The following EPC1 variants were observed in gnomAD, a reference collection of about 807,000 sequenced individuals.
EPC1 encodes enhancer of polycomb homolog 1.
In EPC1, 12 loss-of-function variants were observed where a neutral mutation model predicts 98.4. The observed-to-expected ratio is 0.12, with a 90% CI of 0.08 to 0.20. The LOEUF (loss-of-function observed/expected upper bound fraction) is 0.20. Among genes scored for constraint, EPC1 ranks in the 10% least tolerant of loss-of-function variants. The pLI, the probability that EPC1 is intolerant of heterozygous loss-of-function variation, is 1.00. For missense variants in EPC1, 729 were observed against 990.5 expected (o/e 0.74, Z 3.54); for synonymous variants, 357 against 363.9 (o/e 0.98, Z 0.21).
At chr10:32,358,044 A>G (rs1564566288) in intron 1 of EPC1, among the ~76,000 whole-genome samples, 1 of 151,576 alleles carries the variant, frequency 6.6e-6, no homozygotes, top group African/African-American at 2.4e-5. Flanking sequence ...TAGTGGAGAC[A>G]AGGTTTCACC....
rs983940993 is a variant in EPC1 at position 32,295,689 on chromosome 10, A to C, written c.314-1952T>G. Among the ~76,000 whole-genome samples the C allele has an allele frequency of 1.6e-4, 24 of 152,214 alleles. 1 individual carries two copies. Among genetic ancestry groups the C allele is most frequent in the African/African-American group, 4.6e-4 (19 of 41,452 alleles). On this transcript the variant is annotated intron_variant, in intron 2 of 13. Coordinates refer to ENST00000319778, the MANE Select transcript of EPC1 (RefSeq NM_001272004.3). ...CAGGTCTATGTTGTCTAATATGGTA[A>C]CCACTAGCCATGTGCGGCTAACTGA...
intron 5 of EPC1, 31 bp downstream of exon 5, chr10:32,292,465 C>T (rs761893772): frequency 8.9e-6 from 13 of 1,468,194 alleles, no homozygotes; most frequent in African/African-American, 8.6e-5. Context: ...TGGCACTATA[C>T]TTCCTCTAAC....
intron 1 of EPC1, among the ~76,000 whole-genome samples, chr10:32,371,625 G>A (rs1015134900): frequency 5.3e-5 from 8 of 152,178 alleles, no homozygotes; most frequent in Admixed American, 2.0e-4. Context: ...ATGGCCAGGC[G>A]CGGTGGCTCA....
intron 1 of EPC1, among the ~76,000 whole-genome samples, chr10:32,370,429 C>G (rs1839714630): frequency 6.6e-6 from 1 of 152,182 alleles, no homozygotes; most frequent in Non-Finnish European, 1.5e-5. Flanking sequence ...AATTCTCAAC[C>G]CTGACTGCTA....
chr10:32,373,849 C>T (rs776548776), intron 1 of EPC1, among the ~76,000 whole-genome samples: 1 of 152,176 alleles, frequency 6.6e-6, no homozygotes, highest in Non-Finnish European at 1.5e-5. Flanking sequence ...ACTCACTTGC[C>T]ACCTGATTAC....
chr10:32,371,725 C>T (rs937425994), intron 1 of EPC1, among the ~76,000 whole-genome samples: 7 of 152,112 alleles, frequency 4.6e-5, no homozygotes, highest in Non-Finnish European at 8.8e-5. Flanking sequence ...ATGGTGAAAC[C>T]TCATCTCTAC....
At chr10:32,273,462 A>G (rs752927559) in intron 10 of EPC1, among the ~76,000 whole-genome samples, 181 bp from the exon 11 acceptor site, 9 of 152,180 alleles carry the variant, frequency 5.9e-5, no homozygotes, top group Non-Finnish European at 8.8e-5. Flanking sequence ...CACATTTAAC[A>G]AGAGTGGCAT....
At chr10:32,290,505 A>AAAAAAAAAAAAAAAAAAGAAAGAAAG (rs1554819136) in intron 6 of EPC1, among the ~76,000 whole-genome samples, 6 of 77,466 alleles carry the variant, frequency 7.7e-5, no homozygotes, top group Admixed American at 1.6e-4. Context: ...AAAAAAAAAA[A>AAAAAAAAAAAAAAAAAAGAAAGAAAG]AAAGAAAGAA....
chr10:32,310,862 A>G (rs1250383798), intron 1 of EPC1, among the ~76,000 whole-genome samples: 2 of 152,072 alleles, frequency 1.3e-5, no homozygotes, highest in Non-Finnish European at 2.9e-5. Context: ...CAACAGAGCA[A>G]GACTCTGTCT....
At chr10:32,338,970 T>C (rs1592615520) in intron 1 of EPC1, among the ~76,000 whole-genome samples, 1 of 150,502 alleles carries the variant, frequency 6.6e-6, no homozygotes. Context: ...AATAAAATAA[T>C]AAAAATAATA....
intron 1 of EPC1, among the ~76,000 whole-genome samples, chr10:32,366,003 C>T (rs970924398): frequency 6.8e-5 from 10 of 147,420 alleles, no homozygotes; most frequent in Admixed American, 6.8e-5. Flanking sequence ...CATGGTGGCG[C>T]GTGCCTGTAA....
chr10:32,279,164 A>G (rs2132667717), intron 10 of EPC1, among the ~76,000 whole-genome samples: 1 of 152,166 alleles, frequency 6.6e-6, no homozygotes, highest in East Asian at 1.9e-4. Context: ...CCTGGCCAAT[A>G]TGGTGAAACC....
intron 1 of EPC1, among the ~76,000 whole-genome samples, chr10:32,341,903 G>A (rs1292007339): frequency 3.3e-5 from 5 of 152,180 alleles, no homozygotes; most frequent in Non-Finnish European, 5.9e-5. Context: ...AGAAATTGAT[G>A]ACAAGTGTGA....
At chr10:32,331,305 T>C (rs763440705) in intron 1 of EPC1, among the ~76,000 whole-genome samples, 9 of 148,958 alleles carry the variant, frequency 6.0e-5, no homozygotes, top group Non-Finnish European at 1.2e-4. Context: ...TGAGCCAAGA[T>C]AGCACCATTG....
At chr10:32,271,998 C>A in intron 12 of EPC1, 28 bp downstream of exon 12, 1 of 1,601,976 alleles carries the variant, frequency 6.2e-7, no homozygotes, top group Non-Finnish European at 8.5e-7. Context: ...AAATATAACC[C>A]AAACAATTTA....
chr10:32,344,727 T>C (rs1023945855), intron 1 of EPC1, among the ~76,000 whole-genome samples: 1 of 152,124 alleles, frequency 6.6e-6, no homozygotes. Flanking sequence ...CGGAGGGTTG[T>C]AGTGAGCCGA....
chr10:32,274,247 A>G (rs539428911), intron 10 of EPC1, among the ~76,000 whole-genome samples: 146 of 152,242 alleles, frequency 9.6e-4, no homozygotes, highest in African/African-American at 3.4e-3. Context: ...TTTATCATGC[A>G]TCCCTGGCTA....
chr10:32,371,729 T>C (rs764902816), intron 1 of EPC1, among the ~76,000 whole-genome samples: 15 of 152,136 alleles, frequency 9.9e-5, no homozygotes, highest in Non-Finnish European at 2.9e-5. Context: ...TGAAACCTCA[T>C]CTCTACTAAA....
intron 2 of EPC1, among the ~76,000 whole-genome samples, chr10:32,293,949 A>G (rs1323967469): frequency 6.6e-6 from 1 of 152,208 alleles, no homozygotes; most frequent in Non-Finnish European, 1.5e-5. Context: ...GAATATACAT[A>G]TAAGTAATAA....
Sources: gnomAD v4.1 joint callset for allele counts (sites outside exome capture counted in the v4.1 genomes callset) on GRCh38, gnomAD v4.1.1 for gene constraint, MANE v1.5 for transcripts, NCBI Gene and HGNC (gene_info 2026-07-23, HGNC 2026-07-21) for gene names.